PLCZ1: variants seen among roughly 807,000 people sequenced by gnomAD.
The protein encoded by PLCZ1 is 1-phosphatidylinositol 4,5-bisphosphate phosphodiesterase zeta-1.
PLCZ1 carries 64 observed loss-of-function variants against 76.8 expected under a neutral mutation model. The ratio of observed to expected loss-of-function variants is 0.83; its 90% confidence interval spans 0.68 to 1.03. The LOEUF is 1.03. Among genes scored for constraint, PLCZ1 ranks in the 50% least tolerant of loss-of-function variants. The pLI is 0.00. For synonymous variants in PLCZ1, 248 were observed against 230.8 expected (o/e 1.07, Z -0.68); for missense variants, 751 against 713.7 (o/e 1.05, Z -0.60).
At chr12:18,706,243 TAA>T (rs569026263) in intron 6 of PLCZ1, among the ~76,000 whole-genome samples, 1 of 120,736 alleles carries the variant, frequency 8.3e-6, no homozygotes, top group Non-Finnish European at 1.8e-5. Flanking sequence ...AAAATAAAAA[TAA>T]AAAAAAAAAA....
In PLCZ1 at chr12:18,723,201, A is replaced by T. The variant is rs1958547852; in HGVS notation, c.367+110T>A. 12 of 959,624 alleles carry T rather than the reference A, an allele frequency of 1.3e-5. No individual in the cohort carries two copies. In the South Asian group the frequency reaches 1.9e-4, roughly 15 times the overall value. The allele number at this position is 959,624 out of a possible 1,614,324, so 59.4% of individuals were successfully genotyped here. ...GATATTTGACCCATCCAAAAACGGT[A>T]ATTTGATAACCACAATTCATAAAAA... On this transcript the variant is annotated intron_variant, in intron 4 of 14. Transcript: ENST00000266505.
At chr12:18,707,073 T>C (rs1387839956) in intron 6 of PLCZ1, among the ~76,000 whole-genome samples, 1 of 152,202 alleles carries the variant, frequency 6.6e-6, no homozygotes, top group East Asian at 1.9e-4. Context: ...CAAATCTCTC[T>C]CTACTTCCTT....
At chr12:18,733,765 G>C (rs1358716216) in intron 3 of PLCZ1, among the ~76,000 whole-genome samples, 2 of 152,098 alleles carry the variant, frequency 1.3e-5, no homozygotes, top group African/African-American at 4.8e-5. Context: ...TAGAAGATCA[G>C]TTGACTATAT....
intron 9 of PLCZ1, among the ~76,000 whole-genome samples, chr12:18,701,201 T>C (rs535164317): frequency 1.3e-5 from 2 of 152,172 alleles, no homozygotes; most frequent in Non-Finnish European, 2.9e-5. Context: ...ACCAGGCTGA[T>C]CTCAAACTCC....
chr12:18,734,540 G>A lies in PLCZ1; in HGVS notation c.135+1681C>T, dbSNP rs150765120. Reference sequence around the variant, plus strand: ...TAATTTTTGTGTTTTTAGTAGAGACGAGGTTTCAACACATTGGCCAGGCTG... The same window carrying A: ...TAATTTTTGTGTTTTTAGTAGAGACAAGGTTTCAACACATTGGCCAGGCTG... On this transcript the variant is annotated intron_variant, in intron 3 of 14. Transcript: ENST00000266505. 3.0e-3 allele frequency among the ~76,000 whole-genome samples: 450 copies of A among 152,126 alleles called. 5 individuals are homozygous for A. Among genetic ancestry groups the A allele is most frequent in the African/African-American group, 9.9e-3 (409 of 41,498 alleles).
intron 13 of PLCZ1, among the ~76,000 whole-genome samples, chr12:18,686,259 G>GA (rs1163787808): frequency 6.6e-6 from 1 of 151,704 alleles, no homozygotes; most frequent in African/African-American, 2.4e-5. Context: ...CAAATCTGCA[G>GA]AAAAAAACCT....
At chr12:18,658,993 C>G in the PLCZ1 span, among the ~76,000 whole-genome samples, 1 of 152,046 alleles carries the variant, frequency 6.6e-6, no homozygotes, top group African/African-American at 2.4e-5. Flanking sequence ...ATAACTCATG[C>G]TCTATGACTC....
At chr12:18,668,025 A>G in the PLCZ1 span, among the ~76,000 whole-genome samples, 1 of 152,190 alleles carries the variant, frequency 6.6e-6, no homozygotes. Flanking sequence ...TTAGGACACT[A>G]CCTAATATAA....
chr12:18,678,792 C>T (rs1952173033), downstream of PLCZ1, among the ~76,000 whole-genome samples: 1 of 151,970 alleles, frequency 6.6e-6, no homozygotes, highest in Admixed American at 6.6e-5. Flanking sequence ...ATAAAAAATC[C>T]TTCTATAAAC....
At chr12:18,724,273 G>T (rs2150728660) in intron 3 of PLCZ1, among the ~76,000 whole-genome samples, 1 of 152,172 alleles carries the variant, frequency 6.6e-6, no homozygotes, top group African/African-American at 2.4e-5. Flanking sequence ...ACAGACCTCG[G>T]TGAAATGACG....
chr12:18,650,651 A>C, the PLCZ1 span, among the ~76,000 whole-genome samples: 1 of 125,418 alleles, frequency 8.0e-6, no homozygotes, highest in African/African-American at 2.9e-5. Context: ...TTATTTACAT[A>C]ACTGGAATAT....
At chr12:18,689,310 A>C (rs1031591762) in intron 12 of PLCZ1, among the ~76,000 whole-genome samples, 19 of 152,296 alleles carry the variant, frequency 1.2e-4, no homozygotes, top group African/African-American at 4.6e-4. Flanking sequence ...TGAAAAACAT[A>C]ATTGAATATG....
At chr12:18,737,609 T>C (rs1223061481) in intron 1 of PLCZ1, 100 bp from the exon 2 acceptor site, 6 of 633,540 alleles carry the variant, frequency 9.5e-6, no homozygotes, top group Non-Finnish European at 1.7e-5. Flanking sequence ...ATGTGGTACC[T>C]GCACTACCCT....
Position 18,713,895 on chromosome 12 carries a change from C to G in PLCZ1, c.570-909G>C, listed in dbSNP as rs188567606. ...CTTAGGTTCATTAAATCAGTTGTAC[C>G]CACTGTGTTTAAATTAATTTTCAGT... is the stretch of plus-strand genomic sequence containing the variant. On this transcript the variant is annotated intron_variant, in intron 5 of 14. Transcript: ENST00000266505. 1.2e-3 allele frequency: 188 copies of G among 152,112 alleles called. 1 individual carries two copies. The highest frequency in any genetic ancestry group is 4.3e-3 in the African/African-American group (179 of 41,494). The allele number at this position is 152,112 out of a possible 1,614,324, so 9.4% of individuals were successfully genotyped here.
chr12:18,675,776 C>T, the PLCZ1 span, among the ~76,000 whole-genome samples: 2 of 148,950 alleles, frequency 1.3e-5, no homozygotes, highest in Non-Finnish European at 3.0e-5. Context: ...TCAGAAGTAT[C>T]AAATACCACA....
chr12:18,667,626 G>A, the PLCZ1 span, among the ~76,000 whole-genome samples: 4 of 152,116 alleles, frequency 2.6e-5, no homozygotes, highest in African/African-American at 7.2e-5. Context: ...AAAGGGGAAA[G>A]GAGTTAGCGT....
chr12:18,655,069 G>A, the PLCZ1 span, among the ~76,000 whole-genome samples: 3 of 151,122 alleles, frequency 2.0e-5, no homozygotes, highest in Admixed American at 2.0e-4. Flanking sequence ...AAAAATACCA[G>A]AGGCTTTTGA....
At chr12:18,736,583 A>AAATTTGGG in intron 2 of PLCZ1, 32 of 1,240,580 alleles carry the variant, frequency 2.6e-5, no homozygotes, top group Non-Finnish European at 3.2e-5. Context: ...ATTAAAGTTA[A>AAATTTGGG]AATTTGAGAA....
At chr12:18,653,770 C>G in the PLCZ1 span, among the ~76,000 whole-genome samples, 1 of 151,928 alleles carries the variant, frequency 6.6e-6, no homozygotes, top group African/African-American at 2.4e-5. Context: ...ACTACAGCTG[C>G]AATTATAGGA....
Sources: allele counts gnomAD v4.1 joint callset (sites outside exome capture counted in the v4.1 genomes callset), GRCh38; gene constraint gnomAD v4.1.1; transcripts MANE v1.5; gene names NCBI Gene and HGNC (gene_info 2026-07-23, HGNC 2026-07-21).